PXDN: variants seen among roughly 807,000 people sequenced by gnomAD.
The protein encoded by PXDN is peroxidasin, also known as peroxidasin homolog.
In PXDN, 77 loss-of-function variants were observed where a neutral mutation model predicts 140.3. The observed-to-expected ratio is 0.55, with a 90% CI of 0.46 to 0.66. The LOEUF is 0.66. PXDN is among the 30% of genes least tolerant of loss of function. The pLI is 0.00. For missense variants in PXDN, 1,838 were observed against 2,039.5 expected, an observed-to-expected ratio of 0.90 and a Z score of 1.90; for synonymous variants, 911 against 857.4, an observed-to-expected ratio of 1.06 and a Z score of -1.09.
intron 1 of PXDN, among the ~76,000 whole-genome samples, chr2:1,696,776 G>A (rs776774483): frequency 2.0e-5 from 3 of 152,160 alleles, no homozygotes; most frequent in Admixed American, 6.5e-5. Flanking sequence ...ATCTGCACAC[G>A]TGTTACTGGA....
Position 1,744,306 on chromosome 2 carries a change from C to A in PXDN, c.150G>T (p.Met50Ile), listed in dbSNP as rs1461125680. The change falls in exon 1 of 23, where the codon ATG becomes ATT. Residue 50 changes from methionine to isoleucine, a missense_variant. Physicochemically the swap from Met to Ile is conservative, Grantham distance 10 (BLOSUM62 1). This residue lies in a region of PXDN where 231 missense variants were observed against 201.5 expected (regional missense o/e 1.15). Coordinates refer to ENST00000252804, the MANE Select transcript of PXDN (RefSeq NM_012293.3). ...CGGGCACGGCCTCCAGCAGCAGATG[C>A]ATGCAGCGCACGGTGGTGCGGAAGC... ...CLCFRTTVRC[M>I]HLLLEAVPAV... 2 of 1,526,630 alleles carry A rather than the reference C, an allele frequency of 1.3e-6. No individual in the cohort carries two copies. Among genetic ancestry groups the A allele is most frequent in the African/African-American group, 2.8e-5 (2 of 71,500 alleles). The allele number at this position is 1,526,630 out of a possible 1,614,324, so 94.6% of individuals were successfully genotyped here.
chr2:1,703,443 GACAACTCCCGGTGAAGGAGAGA>G (rs2125459700), intron 1 of PXDN, among the ~76,000 whole-genome samples: 1 of 49,426 alleles, frequency 2.0e-5, no homozygotes, highest in African/African-American at 9.3e-5. Context: ...TGAAGCGGGG[GACAACTCCCGGTGAAGGAGAGA>G]CAACTCCAGG....
intron 1 of PXDN, among the ~76,000 whole-genome samples, chr2:1,708,587 A>G (rs921695354): frequency 6.6e-6 from 1 of 152,108 alleles, no homozygotes; most frequent in Non-Finnish European, 1.5e-5. Flanking sequence ...GAGGAAGGGG[A>G]GAGGGGTCCC....
chr2:1,696,426 T>A, intron 1 of PXDN, among the ~76,000 whole-genome samples: 1 of 151,864 alleles, frequency 6.6e-6, no homozygotes, highest in East Asian at 1.9e-4. Flanking sequence ...GCAAAGGGGG[T>A]TATCTTAGAA....
intron 14 of PXDN, among the ~76,000 whole-genome samples, chr2:1,656,184 A>G (rs924780319): frequency 6.6e-6 from 1 of 152,026 alleles, no homozygotes; most frequent in Non-Finnish European, 1.5e-5. Flanking sequence ...ACACAGAATC[A>G]CACACCTTAT....
At chr2:1,713,547 G>A (rs1684830479) in intron 1 of PXDN, among the ~76,000 whole-genome samples, 1 of 152,206 alleles carries the variant, frequency 6.6e-6, no homozygotes, top group African/African-American at 2.4e-5. Context: ...AGCCCTGGGG[G>A]CCGCCTCTCC....
At chr2:1,640,317 G>C (rs543614795) in intron 19 of PXDN, among the ~76,000 whole-genome samples, 1 of 152,334 alleles carries the variant, frequency 6.6e-6, no homozygotes, top group East Asian at 1.9e-4. Context: ...GGGCAAATAT[G>C]GACCTTTGCA....
rs913210449 is a variant in PXDN at position 1,687,330 on chromosome 2, AG to A, written c.416+301del. Among the ~76,000 whole-genome samples the A allele has an allele frequency of 3.9e-5, 6 of 152,102 alleles. No homozygotes were observed. Among genetic ancestry groups the A allele is most frequent in the African/African-American group, 7.2e-5 (3 of 41,422 alleles). ...GCCTGTCTCTCCTCTAAGTTGTGAC[AG>A]GGATTCCATCGATATTACTGTCCTT... On this transcript the variant is annotated intron_variant, in intron 4 of 22. Transcript: ENST00000252804. The surrounding 1 kb of genome is among the most constrained non-coding windows in gnomAD (Gnocchi z 4.0).
chr2:1,676,241 C>T (rs1362525381), intron 8 of PXDN: 1 of 151,336 alleles, frequency 6.6e-6, no homozygotes, highest in Non-Finnish European at 1.5e-5. Context: ...AGCTCACAAA[C>T]CCCAGCAGCG....
chr2:1,655,894 TACAC>T (rs1296097514), intron 14 of PXDN, among the ~76,000 whole-genome samples: 14 of 150,722 alleles, frequency 9.3e-5, no homozygotes. Flanking sequence ...TACACTCAGA[TACAC>T]ACGACACACA....
At chr2:1,691,723 A>G (rs1399426566) in intron 3 of PXDN, among the ~76,000 whole-genome samples, 8 of 152,226 alleles carry the variant, frequency 5.3e-5, no homozygotes. Context: ...GTGATGAAAC[A>G]CTAAAAATCA....
chr2:1,661,950 A>G (rs1683314394), intron 13 of PXDN, 122 bp downstream of exon 13: 2 of 805,088 alleles, frequency 2.5e-6, no homozygotes, highest in African/African-American at 3.4e-5. Flanking sequence ...ACCCCACAGC[A>G]GAGGGGAGGC....
At chr2:1,675,173 A>G (rs1683670592) in intron 8 of PXDN, among the ~76,000 whole-genome samples, 1 of 151,668 alleles carries the variant, frequency 6.6e-6, no homozygotes, top group Admixed American at 6.6e-5. Context: ...AATCCCCCCC[A>G]CCAGAAACAC....
chr2:1,685,800 C>T lies in PXDN; in HGVS notation c.417-1649G>A, dbSNP rs1252930972. Among the ~76,000 whole-genome samples the T allele has an allele frequency of 1.3e-5, 2 of 151,988 alleles. No homozygotes were observed. The highest frequency in any genetic ancestry group is 4.8e-5 in the African/African-American group (2 of 41,370). On this transcript the variant is annotated intron_variant, in intron 4 of 22. Coordinates refer to ENST00000252804, the MANE Select transcript of PXDN (RefSeq NM_012293.3). This position sits in a 1 kb window ranked among gnomAD's most constrained non-coding sequence, Gnocchi z 5.1. ...ATCTTAGAGAGGCTGGGGCCCCAGG[C>T]AGCCTGGGGTGTCCTCCACCCCTCC...
At chr2:1,695,618 G>A (rs1238173559) in intron 1 of PXDN, among the ~76,000 whole-genome samples, 1 of 31,618 alleles carries the variant, frequency 3.2e-5, no homozygotes, top group Non-Finnish European at 7.5e-5. Flanking sequence ...CTGCTGGACA[G>A]AGAGGTGCTG....
At chr2:1,704,476 GGGGGGC>G (rs1684537019) in intron 1 of PXDN, among the ~76,000 whole-genome samples, 1 of 83,708 alleles carries the variant, frequency 1.2e-5, no homozygotes, top group African/African-American at 6.0e-5. Flanking sequence ...CAGGTGAAGG[GGGGGGC>G]AACTCCAGGT....
chr2:1,737,438 T>C (rs1193776836), intron 1 of PXDN, among the ~76,000 whole-genome samples: 1 of 152,236 alleles, frequency 6.6e-6, no homozygotes, highest in Non-Finnish European at 1.5e-5. Flanking sequence ...CAGTTTACAT[T>C]GCATGAGTAA....
chr2:1,720,357 G>A (rs1282552825), intron 1 of PXDN, among the ~76,000 whole-genome samples: 2 of 137,962 alleles, frequency 1.4e-5, no homozygotes, highest in Non-Finnish European at 3.2e-5. Context: ...GAGAGAGGGA[G>A]GGATGCAGAG....
intron 21 of PXDN, among the ~76,000 whole-genome samples, chr2:1,638,069 G>A (rs1682617885): frequency 1.3e-5 from 2 of 152,176 alleles, no homozygotes; most frequent in Non-Finnish European, 2.9e-5. Flanking sequence ...GGCTACACTA[G>A]GAGATGATGG....
Sources: gnomAD v4.1 joint callset for allele counts (sites outside exome capture counted in the v4.1 genomes callset) on GRCh38, gnomAD v4.1.1 for gene constraint, gnomAD v4.1.1 regional missense constraint, Gnocchi (gnomAD v3.1) non-coding constraint, MANE v1.5 for transcripts, NCBI Gene and HGNC (gene_info 2026-07-23, HGNC 2026-07-21) for gene names.